PTPRD: variants seen among roughly 807,000 people sequenced by gnomAD.
PTPRD encodes receptor-type tyrosine-protein phosphatase delta.
In PTPRD, 34 loss-of-function variants were observed where a neutral mutation model predicts 214.5. The ratio of observed to expected loss-of-function variants is 0.16; its 90% confidence interval spans 0.12 to 0.21. The LOEUF (loss-of-function observed/expected upper bound fraction) is 0.21, where lower values mean the gene tolerates loss of function less well. Ranked by LOEUF, PTPRD falls within the 10% of genes least tolerant of loss-of-function variation. The pLI is 1.00. For missense variants in PTPRD, 2,545 were observed against 2,398.7 expected, an observed-to-expected ratio of 1.06 and a Z score of -1.27; for synonymous variants, 1,128 against 845.7, an observed-to-expected ratio of 1.33 and a Z score of -5.79.
At chr9:8,461,398 G>T (rs746282973) in intron 32 of PTPRD, among the ~76,000 whole-genome samples, 1 of 151,942 alleles carries the variant, frequency 6.6e-6, no homozygotes, top group Non-Finnish European at 1.5e-5. Context: ...ACTAAATATC[G>T]ATGATTTTTA....
chr9:9,407,903 A>G (rs1170291706), intron 8 of PTPRD, among the ~76,000 whole-genome samples: 6 of 151,804 alleles, frequency 4.0e-5, no homozygotes, highest in Non-Finnish European at 7.4e-5. Context: ...GGTTAGATAT[A>G]AGGAAAAATT....
chr9:9,949,971 ATT>A (rs2093277783), intron 4 of PTPRD, among the ~76,000 whole-genome samples: 1 of 152,168 alleles, frequency 6.6e-6, no homozygotes, highest in South Asian at 2.1e-4. Flanking sequence ...TGTGAAATTG[ATT>A]TTTGTTTCTG....
chr9:9,184,051 G>C (rs907871394), intron 9 of PTPRD, among the ~76,000 whole-genome samples: 3 of 151,802 alleles, frequency 2.0e-5, no homozygotes, highest in African/African-American at 7.3e-5. Flanking sequence ...GCTTTATTTT[G>C]TTTAGCACAT....
chr9:9,295,741 C>A (rs1222922005), intron 9 of PTPRD, among the ~76,000 whole-genome samples: 3 of 151,784 alleles, frequency 2.0e-5, no homozygotes, highest in Non-Finnish European at 2.9e-5. Context: ...AGCTTAATTT[C>A]TTTGAAATAT....
intron 8 of PTPRD, among the ~76,000 whole-genome samples, chr9:9,542,718 C>T (rs181007797): frequency 2.2e-4 from 33 of 151,700 alleles, no homozygotes; most frequent in African/African-American, 7.5e-4. Flanking sequence ...CGGTACTCAA[C>T]ATCATTAGTC....
chr9:10,478,724 ATATATG>A (rs1318006351), intron 2 of PTPRD, among the ~76,000 whole-genome samples: 1 of 151,452 alleles, frequency 6.6e-6, no homozygotes, highest in Non-Finnish European at 1.5e-5. Flanking sequence ...ATTCTGTAAT[ATATATG>A]TATATGTATA....
At chr9:9,245,774 A>G (rs999365807) in intron 9 of PTPRD, among the ~76,000 whole-genome samples, 1 of 152,204 alleles carries the variant, frequency 6.6e-6, no homozygotes, top group African/African-American at 2.4e-5. Context: ...TATACAATGT[A>G]AAAATAAATA....
intron 30 of PTPRD, among the ~76,000 whole-genome samples, chr9:8,482,812 G>T (rs1268037333): frequency 6.6e-6 from 1 of 152,144 alleles, no homozygotes; most frequent in African/African-American, 2.4e-5. Flanking sequence ...ACCACTGGGT[G>T]CCTTTAGTAA....
chr9:9,650,007 G>A (rs963594300), intron 7 of PTPRD, among the ~76,000 whole-genome samples: 1 of 152,098 alleles, frequency 6.6e-6, no homozygotes, highest in South Asian at 2.1e-4. Context: ...AGAATGATAT[G>A]GTTTGGTTCT....
intron 2 of PTPRD, among the ~76,000 whole-genome samples, chr9:10,569,273 A>G (rs1218536654): frequency 1.3e-5 from 2 of 152,124 alleles, no homozygotes; most frequent in African/African-American, 4.8e-5. Flanking sequence ...AGGTAACAAC[A>G]GGTGCATTAT....
intron 5 of PTPRD, among the ~76,000 whole-genome samples, chr9:9,933,530 A>G (rs1290351041): frequency 6.6e-6 from 1 of 151,804 alleles, no homozygotes; most frequent in African/African-American, 2.4e-5. Context: ...AGAGCTAACT[A>G]TCCTAAATAT....
intron 39 of PTPRD, among the ~76,000 whole-genome samples, chr9:8,361,104 G>A (rs998203002): frequency 6.6e-6 from 1 of 152,066 alleles, no homozygotes; most frequent in African/African-American, 2.4e-5. Context: ...TTATGAATGC[G>A]TCAGATTAAA....
intron 8 of PTPRD, among the ~76,000 whole-genome samples, chr9:9,402,064 A>G (rs1196622816): frequency 3.9e-5 from 6 of 152,154 alleles, no homozygotes; most frequent in Non-Finnish European, 7.4e-5. Context: ...CAGGGCAAAC[A>G]TAAAAATACA....
At chr9:8,660,236 A>C in intron 12 of PTPRD, among the ~76,000 whole-genome samples, 1 of 151,468 alleles carries the variant, frequency 6.6e-6, no homozygotes, top group African/African-American at 2.5e-5. Flanking sequence ...AGAAGAATCA[A>C]TAATCTAAGC....
At chr9:10,459,876 G>T (rs978099189) in intron 2 of PTPRD, among the ~76,000 whole-genome samples, 6 of 151,686 alleles carry the variant, frequency 4.0e-5, no homozygotes, top group Admixed American at 6.6e-5. Flanking sequence ...ATAATATTAA[G>T]AAAAGAAATT....
chr9:9,021,942 G>A (rs2099571256), intron 10 of PTPRD, among the ~76,000 whole-genome samples: 1 of 151,804 alleles, frequency 6.6e-6, no homozygotes, highest in African/African-American at 2.4e-5. Flanking sequence ...GTGGACACAG[G>A]GAGGGGAACA....
intron 9 of PTPRD, among the ~76,000 whole-genome samples, chr9:9,392,034 G>A (rs4440683): frequency 0.27 from 40,324 of 151,932 alleles, 5,488 homozygotes; most frequent in Middle Eastern, 0.3. Context: ...AGAGGTGGTG[G>A]AAAGTACCAA....
intron 3 of PTPRD, among the ~76,000 whole-genome samples, chr9:10,095,043 A>G (rs2098469492): frequency 6.6e-6 from 1 of 151,434 alleles, no homozygotes; most frequent in South Asian, 2.1e-4. Context: ...GTGTCAGCAT[A>G]GAATTTTTTT....
At chr9:10,017,556 A>T (rs1424834487) in intron 4 of PTPRD, among the ~76,000 whole-genome samples, 3 of 152,116 alleles carry the variant, frequency 2.0e-5, no homozygotes, top group Non-Finnish European at 2.9e-5. Context: ...CAAGTCTGGA[A>T]GCCTTGTTTT....
Sources: gnomAD v4.1 joint callset for allele counts (sites outside exome capture counted in the v4.1 genomes callset) on GRCh38, gnomAD v4.1.1 for gene constraint, MANE v1.5 for transcripts, NCBI Gene and HGNC (gene_info 2026-07-23, HGNC 2026-07-21) for gene names.